Variants in SGCZ observed in about 807,000 individuals in gnomAD.
The protein encoded by SGCZ is sarcoglycan zeta.
SGCZ carries 40 observed loss-of-function variants against 41.3 expected under a neutral mutation model. The ratio of observed to expected loss-of-function variants is 0.97; its 90% CI spans 0.75 to 1.26. SGCZ has a LOEUF of 1.26. Ranked by LOEUF, SGCZ falls within the 50% of genes most tolerant of loss-of-function variation. SGCZ has a pLI of 0.00. For missense variants in SGCZ, 552 were observed against 369.8 expected (o/e 1.49, Z -4.04); for synonymous variants, 206 against 137.5 (o/e 1.50, Z -3.49).
intron 2 of SGCZ, among the ~76,000 whole-genome samples, chr8:14,386,302 T>TAAAAA (rs5889531): frequency 5.8e-4 from 81 of 138,516 alleles, no homozygotes; most frequent in South Asian, 1.4e-3. Context: ...TGCATCATGG[T>TAAAAA]AAAAAAAAAA....
chr8:14,401,918 T>C (rs1799087933), intron 2 of SGCZ, among the ~76,000 whole-genome samples: 1 of 150,702 alleles, frequency 6.6e-6, no homozygotes, highest in African/African-American at 2.5e-5. Context: ...TGTAAAAGTG[T>C]TCCTATTTCT....
intron 1 of SGCZ, among the ~76,000 whole-genome samples, chr8:15,136,464 A>G (rs1375294000): frequency 1.3e-5 from 2 of 151,646 alleles, no homozygotes; most frequent in Non-Finnish European, 2.9e-5. Flanking sequence ...GAGGTGGGTA[A>G]TTGTCAGGGA....
intron 2 of SGCZ, among the ~76,000 whole-genome samples, chr8:14,460,905 G>T (rs1222974327): frequency 6.6e-6 from 1 of 151,934 alleles, no homozygotes; most frequent in Non-Finnish European, 1.5e-5. Flanking sequence ...ACTTTCATTT[G>T]GCCCATATTC....
chr8:14,774,115 C>A (rs1414281297), intron 1 of SGCZ, among the ~76,000 whole-genome samples: 1 of 152,138 alleles, frequency 6.6e-6, no homozygotes, highest in Non-Finnish European at 1.5e-5. Flanking sequence ...TTGAGTAAAG[C>A]AGACTGCCCT....
At chr8:14,683,470 G>GA (rs901923061) in intron 1 of SGCZ, among the ~76,000 whole-genome samples, 6 of 151,912 alleles carry the variant, frequency 3.9e-5, no homozygotes, top group East Asian at 1.9e-4. Context: ...CTAAGAAATA[G>GA]AAAAAATACA....
chr8:14,670,132 G>A (rs545553329), intron 1 of SGCZ, among the ~76,000 whole-genome samples: 11 of 152,138 alleles, frequency 7.2e-5, no homozygotes, highest in Non-Finnish European at 1.6e-4. Context: ...ATTAATCACA[G>A]TGTGTTCCTG....
intron 1 of SGCZ, among the ~76,000 whole-genome samples, chr8:14,998,727 G>T (rs967864380): frequency 8.5e-5 from 13 of 152,194 alleles, no homozygotes; most frequent in Admixed American, 7.2e-4. Context: ...GAGTTGCAAT[G>T]CTTGCATAAA....
At chr8:15,042,896 G>C (rs1371253211) in intron 1 of SGCZ, among the ~76,000 whole-genome samples, 1 of 152,094 alleles carries the variant, frequency 6.6e-6, no homozygotes, top group Non-Finnish European at 1.5e-5. Flanking sequence ...GGCATATATT[G>C]TTTGTTTTAT....
At chr8:14,719,821 G>A (rs1279727920) in intron 1 of SGCZ, among the ~76,000 whole-genome samples, 3 of 151,818 alleles carry the variant, frequency 2.0e-5, no homozygotes, top group African/African-American at 7.3e-5. Flanking sequence ...TCACTCTGAT[G>A]GTAGTTTCTT....
chr8:14,962,402 A>G (rs1014033934), intron 1 of SGCZ, among the ~76,000 whole-genome samples: 1 of 149,276 alleles, frequency 6.7e-6, no homozygotes, highest in Non-Finnish European at 1.5e-5. Flanking sequence ...ATATATATAT[A>G]TCTGTACAAT....
At chr8:14,974,554 A>G (rs1801403029) in intron 1 of SGCZ, among the ~76,000 whole-genome samples, 1 of 152,180 alleles carries the variant, frequency 6.6e-6, no homozygotes, top group African/African-American at 2.4e-5. Flanking sequence ...AAACTTCCAA[A>G]GCCCAGACCA....
At chr8:14,140,739 T>C (rs1476638340) in intron 5 of SGCZ, among the ~76,000 whole-genome samples, 3 of 152,072 alleles carry the variant, frequency 2.0e-5, no homozygotes, top group East Asian at 1.9e-4. Context: ...AAAATGGCCA[T>C]ACTGCCCAAG....
chr8:14,309,390 G>A (rs1801453379), intron 3 of SGCZ: 6 of 1,605,724 alleles, frequency 3.7e-6, no homozygotes, highest in Non-Finnish European at 3.4e-6. Context: ...CAGAGACGAA[G>A]TGACCTCGAT....
At chr8:14,823,605 G>A (rs73533093) in intron 1 of SGCZ, among the ~76,000 whole-genome samples, 36,905 of 151,946 alleles carry the variant, frequency 0.24, 5,695 homozygotes, top group East Asian at 0.55. Context: ...TAGAGAGAAG[G>A]GAATATTTAC....
chr8:14,631,747 T>C (rs1474669339), intron 1 of SGCZ, among the ~76,000 whole-genome samples: 2 of 152,098 alleles, frequency 1.3e-5, no homozygotes, highest in African/African-American at 4.8e-5. Flanking sequence ...TAAACAATAA[T>C]GTAGCAGAAG....
At chr8:15,132,401 A>T (rs1165349999) in intron 1 of SGCZ, among the ~76,000 whole-genome samples, 1 of 152,122 alleles carries the variant, frequency 6.6e-6, no homozygotes, top group African/African-American at 2.4e-5. Flanking sequence ...CCCTTATACC[A>T]AATTTTCCTG....
At chr8:14,675,831 C>G (rs953314656) in intron 1 of SGCZ, among the ~76,000 whole-genome samples, 1 of 152,122 alleles carries the variant, frequency 6.6e-6, no homozygotes, top group Non-Finnish European at 1.5e-5. Context: ...GAATGAATTT[C>G]CAAACTGCTG....
intron 1 of SGCZ, among the ~76,000 whole-genome samples, chr8:14,567,490 G>C (rs575108627): frequency 7.3e-4 from 111 of 152,230 alleles, no homozygotes; most frequent in African/African-American, 2.4e-3. Flanking sequence ...TCAGCACCCT[G>C]TCAAAATGGA....
intron 5 of SGCZ, among the ~76,000 whole-genome samples, chr8:14,154,609 G>C (rs554557450): frequency 6.6e-6 from 1 of 152,158 alleles, no homozygotes; most frequent in Admixed American, 6.5e-5. Context: ...TTTAAAAATT[G>C]TTGTATATTC....
Sources: gnomAD v4.1 joint callset for allele counts (sites outside exome capture counted in the v4.1 genomes callset) on GRCh38, gnomAD v4.1.1 for gene constraint, MANE v1.5 for transcripts, NCBI Gene and HGNC (gene_info 2026-07-23, HGNC 2026-07-21) for gene names.